SOBP: variants seen among roughly 807,000 people sequenced by gnomAD.
The protein encoded by SOBP is sine oculis binding protein homolog.
A neutral mutation model predicts 53.6 loss-of-function variants in SOBP; 4 were observed. The observed-to-expected ratio is 0.07, with a 90% CI of 0.04 to 0.17. The LOEUF is 0.17. SOBP is among the 10% of genes least tolerant of loss of function. The pLI is 1.00. For synonymous variants in SOBP, 584 were observed against 522.6 expected (o/e 1.12, Z -1.60); for missense variants, 1,088 against 1,204.7 (o/e 0.90, Z 1.43).
At chr6:107,517,114 T>C (rs1783344486) in intron 3 of SOBP, among the ~76,000 whole-genome samples, 1 of 152,178 alleles carries the variant, frequency 6.6e-6, no homozygotes, top group Admixed American at 6.5e-5. Context: ...GATATCAAGA[T>C]TTATTGTAAG....
At chr6:107,596,347 G>A in intron 5 of SOBP, among the ~76,000 whole-genome samples, 1 of 152,138 alleles carries the variant, frequency 6.6e-6, no homozygotes, top group East Asian at 1.9e-4. Context: ...ATGAACCATG[G>A]AGGTGGACGC....
chr6:107,529,639 A>G (rs1313415388), intron 3 of SOBP: 1 of 984,812 alleles, frequency 1.0e-6, no homozygotes, highest in African/African-American at 1.7e-5. Context: ...TTTATAGCCA[A>G]TTTAAATGCC....
intron 4 of SOBP, among the ~76,000 whole-genome samples, chr6:107,546,859 G>T (rs1583197235): frequency 1.3e-5 from 2 of 152,122 alleles, no homozygotes; most frequent in East Asian, 3.9e-4. Flanking sequence ...TTAGAGTTTG[G>T]CTGACTCCTC....
At chr6:107,608,564 T>A (rs1786475870) in intron 5 of SOBP, among the ~76,000 whole-genome samples, 2 of 152,264 alleles carry the variant, frequency 1.3e-5, no homozygotes, top group African/African-American at 4.8e-5. Context: ...AGCTATTTTT[T>A]AGCTTTTGCT....
chr6:107,525,135 T>G (rs1332461565), intron 3 of SOBP, among the ~76,000 whole-genome samples: 2 of 152,216 alleles, frequency 1.3e-5, no homozygotes, highest in South Asian at 2.1e-4. Flanking sequence ...CATACAAGAC[T>G]GTGGATTTTC....
chr6:107,591,571 A>G (rs1785748427), intron 5 of SOBP, among the ~76,000 whole-genome samples: 1 of 152,144 alleles, frequency 6.6e-6, no homozygotes, highest in Non-Finnish European at 1.5e-5. Context: ...TGGAGGTGGG[A>G]AAGTATGGGC....
intron 5 of SOBP, among the ~76,000 whole-genome samples, chr6:107,600,368 C>A (rs1397964383): frequency 1.3e-5 from 2 of 152,176 alleles, no homozygotes; most frequent in East Asian, 3.9e-4. Context: ...GATGTAGTGG[C>A]CCTGCAGCCT....
chr6:107,506,972 A>G (rs1331408698), intron 3 of SOBP, among the ~76,000 whole-genome samples: 1 of 151,988 alleles, frequency 6.6e-6, no homozygotes. Flanking sequence ...AGGCCGAGGC[A>G]GAAGGATCAC....
At chr6:107,499,786 G>T (rs1374437038) in intron 1 of SOBP, among the ~76,000 whole-genome samples, 1 of 152,216 alleles carries the variant, frequency 6.6e-6, no homozygotes, top group Non-Finnish European at 1.5e-5. Flanking sequence ...GAGAAATGCT[G>T]GGTAAAGATT....
chr6:107,526,384 C>G (rs930965091), intron 3 of SOBP, among the ~76,000 whole-genome samples: 2 of 152,206 alleles, frequency 1.3e-5, no homozygotes, highest in East Asian at 3.9e-4. Context: ...CCTGTCTAAT[C>G]TACTTTTCCC....
At chr6:107,501,914 G>A (rs1782851616) in intron 1 of SOBP, among the ~76,000 whole-genome samples, 1 of 152,168 alleles carries the variant, frequency 6.6e-6, no homozygotes, top group African/African-American at 2.4e-5. Flanking sequence ...GAGAATAAAT[G>A]CCTCACTAAA....
intron 3 of SOBP, among the ~76,000 whole-genome samples, chr6:107,532,268 CACA>C (rs1472459428): frequency 5.2e-4 from 77 of 148,040 alleles, no homozygotes; most frequent in Non-Finnish European, 7.6e-4. Flanking sequence ...CACACACACA[CACA>C]CCACACACAC....
intron 5 of SOBP, among the ~76,000 whole-genome samples, chr6:107,628,706 A>G (rs141633806): frequency 1.3e-5 from 2 of 152,246 alleles, no homozygotes; most frequent in Non-Finnish European, 1.5e-5. Context: ...GCCCAGATTC[A>G]TGCCAACATC....
chr6:107,622,211 GCCAGAGGGCACAGGAGCAGGAC>G (rs994192369), intron 5 of SOBP, among the ~76,000 whole-genome samples: 6 of 152,222 alleles, frequency 3.9e-5, no homozygotes, highest in Non-Finnish European at 8.8e-5. Context: ...TAGACGGGGT[GCCAGAGGGCACAGGAGCAGGAC>G]CCAAAGTTGC....
Position 107,490,389 on chromosome 6 carries a change from T to A in SOBP, c.-228T>A. 1 of 344,110 alleles carries A rather than the reference T, an allele frequency of 2.9e-6. No homozygotes were observed. Among genetic ancestry groups the A allele is most frequent in the South Asian group, 2.9e-5 (1 of 34,598 alleles). The allele number at this position is 344,110 out of a possible 1,614,324, so 21.3% of individuals were successfully genotyped here. On this transcript the variant is annotated 5_prime_UTR_variant, in exon 1 of 7. Transcript: ENST00000317357. ...GACGGCGGCGGCATCCCCGAGACTC[T>A]CCGCACTATCCTTACCCGTGACAGC...
At chr6:107,619,383 A>G (rs1004241350) in intron 5 of SOBP, among the ~76,000 whole-genome samples, 2 of 152,198 alleles carry the variant, frequency 1.3e-5, no homozygotes, top group Non-Finnish European at 2.9e-5. Flanking sequence ...ATGAAGTTTA[A>G]GTATGTTTCT....
intron 5 of SOBP, among the ~76,000 whole-genome samples, chr6:107,627,683 C>T (rs573604481): frequency 6.6e-6 from 1 of 152,196 alleles, no homozygotes; most frequent in East Asian, 1.9e-4. Flanking sequence ...AACTATGTAG[C>T]AAACACCAGC....
chr6:107,603,209 T>A (rs1276839249), intron 5 of SOBP, among the ~76,000 whole-genome samples: 1 of 152,234 alleles, frequency 6.6e-6, no homozygotes, highest in African/African-American at 2.4e-5. Flanking sequence ...TTTTCCCTGC[T>A]ACGGCCACTG....
intron 5 of SOBP, among the ~76,000 whole-genome samples, chr6:107,612,845 G>A (rs1258484504): frequency 1.3e-5 from 2 of 152,088 alleles, no homozygotes; most frequent in African/African-American, 4.8e-5. Flanking sequence ...GGAATTATGT[G>A]GCCTTTTTAG....
Sources: gnomAD v4.1 joint callset for allele counts (sites outside exome capture counted in the v4.1 genomes callset) on GRCh38, gnomAD v4.1.1 for gene constraint, MANE v1.5 for transcripts, NCBI Gene and HGNC (gene_info 2026-07-23, HGNC 2026-07-21) for gene names.